ADGRB3: variants seen among roughly 807,000 people sequenced by gnomAD.
The protein encoded by ADGRB3 is brain-specific angiogenesis inhibitor 3.
ADGRB3 carries 37 observed loss-of-function variants against 193.4 expected under a neutral mutation model. That is an observed-to-expected ratio of 0.19 (90% CI 0.15 to 0.25). The LOEUF (loss-of-function observed/expected upper bound fraction) is 0.25. ADGRB3 is among the 10% of genes least tolerant of loss of function. The probability of loss-of-function intolerance (pLI) is 1.00; values close to 1 mark genes in which losing one functional copy is unlikely to be tolerated. For missense variants in ADGRB3, 1,637 were observed against 1,852.9 expected (o/e 0.88, Z 2.14); for synonymous variants, 690 against 644.2 (o/e 1.07, Z -1.08).
intron 17 of ADGRB3, among the ~76,000 whole-genome samples, chr6:69,229,398 A>G (rs1186287989): frequency 6.6e-6 from 1 of 152,172 alleles, no homozygotes; most frequent in East Asian, 1.9e-4. Context: ...ACTTTCTGTC[A>G]GTACACATAC....
intron 17 of ADGRB3, among the ~76,000 whole-genome samples, chr6:69,101,912 G>T (rs140002658): frequency 4.3e-4 from 65 of 152,068 alleles, no homozygotes; most frequent in African/African-American, 1.4e-3. Flanking sequence ...ACTCTCGGCC[G>T]GGCTCAGTGG....
At chr6:68,981,654 G>A (rs1768911968) in intron 10 of ADGRB3, among the ~76,000 whole-genome samples, 1 of 151,344 alleles carries the variant, frequency 6.6e-6, no homozygotes, top group South Asian at 2.1e-4. Flanking sequence ...TAGTACAAGA[G>A]CACAGCTACA....
chr6:68,901,950 A>C lies in ADGRB3; in HGVS notation c.758-28609A>C, dbSNP rs1766405586. On this transcript the variant is annotated intron_variant, in intron 3 of 31. Transcript: ENST00000370598. ...AATGGGAGAAGTGGTGACATTGGCAATATTTAATTTATATTTTTTAGCTGG... is the reference window on the plus strand; with the variant it reads ...AATGGGAGAAGTGGTGACATTGGCACTATTTAATTTATATTTTTTAGCTGG... Among the ~76,000 whole-genome samples the C allele has an allele frequency of 2.6e-5, 4 of 152,260 alleles. No individual in the cohort carries two copies. In the South Asian group the frequency reaches 8.3e-4, roughly 32 times the overall value.
At chr6:69,040,706 A>AAAACAAAC (rs1262899338) in intron 13 of ADGRB3, among the ~76,000 whole-genome samples, 2 of 110,380 alleles carry the variant, frequency 1.8e-5, no homozygotes, top group African/African-American at 3.7e-5. Flanking sequence ...AAAAAAAAAA[A>AAAACAAAC]AAACAAACAA....
chr6:69,185,824 A>G (rs1356334024), intron 17 of ADGRB3, among the ~76,000 whole-genome samples: 3 of 152,204 alleles, frequency 2.0e-5, no homozygotes, highest in African/African-American at 7.2e-5. Flanking sequence ...CCCAAACATT[A>G]AATGACAGCT....
At position 69,018,593 on chromosome 6, in the gene ADGRB3, C is replaced by T; in HGVS notation, c.2107+94C>T. ...GTTTCCAAGTATAATATTCATTATT[C>T]ATATGTTTAACTGCATGTGAGCAAA... is the stretch of plus-strand genomic sequence containing the variant. On this transcript the variant is annotated intron_variant, in intron 13 of 31. Transcript: ENST00000370598. 6 of 787,838 alleles carry T rather than the reference C, an allele frequency of 7.6e-6. No individual in the cohort carries two copies. The South Asian group carries it at 1.1e-4, about 15-fold the overall frequency. The allele number at this position is 787,838 out of a possible 1,614,324, so 48.8% of individuals were successfully genotyped here. A position where few individuals can be genotyped will look rare whatever the true frequency, so the allele number is the denominator to read the frequency against.
intron 11 of ADGRB3, among the ~76,000 whole-genome samples, chr6:69,008,338 A>T (rs1000840991): frequency 2.0e-5 from 3 of 152,178 alleles, no homozygotes; most frequent in African/African-American, 7.2e-5. Flanking sequence ...GCATTCAATG[A>T]CTACTACTTG....
chr6:69,280,536 A>G (rs1767412153), intron 20 of ADGRB3, among the ~76,000 whole-genome samples: 1 of 152,232 alleles, frequency 6.6e-6, no homozygotes, highest in African/African-American at 2.4e-5. Context: ...TAAAGGGAAT[A>G]ATAGTAATAA....
chr6:68,979,940 A>G (rs1271981075), intron 10 of ADGRB3, among the ~76,000 whole-genome samples: 1 of 151,460 alleles, frequency 6.6e-6, no homozygotes, highest in African/African-American at 2.4e-5. Context: ...AATTGGCAGA[A>G]TGTATGCCCC....
At chr6:69,271,457 A>C (rs1274288395) in intron 20 of ADGRB3, among the ~76,000 whole-genome samples, 1 of 152,194 alleles carries the variant, frequency 6.6e-6, no homozygotes, top group East Asian at 1.9e-4. Context: ...GATACACCTA[A>C]GGTCAAAAAG....
At chr6:69,278,838 G>T (rs985016263) in intron 20 of ADGRB3, among the ~76,000 whole-genome samples, 1 of 151,528 alleles carries the variant, frequency 6.6e-6, no homozygotes, top group Non-Finnish European at 1.5e-5. Flanking sequence ...GAGAATTAAA[G>T]ATAATACAAA....
chr6:69,129,295 C>CT (rs1688024196), intron 17 of ADGRB3, among the ~76,000 whole-genome samples: 1 of 151,964 alleles, frequency 6.6e-6, no homozygotes. Context: ...AAATTAATGC[C>CT]TATGGAATGC....
intron 11 of ADGRB3, among the ~76,000 whole-genome samples, chr6:69,005,055 A>G (rs3798999): frequency 0.51 from 77,887 of 151,828 alleles, 20,223 homozygotes; most frequent in East Asian, 0.62. Flanking sequence ...CACTTAAGAA[A>G]CATCTCCTTT....
At chr6:69,166,339 C>G (rs1316543259) in intron 17 of ADGRB3, among the ~76,000 whole-genome samples, 1 of 151,956 alleles carries the variant, frequency 6.6e-6, no homozygotes, top group African/African-American at 2.4e-5. Context: ...AGAAGGATCC[C>G]CACATGAATA....
intron 12 of ADGRB3, among the ~76,000 whole-genome samples, chr6:69,016,104 C>T (rs572060452): frequency 1.1e-4 from 16 of 152,002 alleles, no homozygotes; most frequent in African/African-American, 2.2e-4. Context: ...AATCTATATA[C>T]GGTCGTTTTG....
At chr6:68,928,184 C>T (rs955957977) in intron 3 of ADGRB3, among the ~76,000 whole-genome samples, 10 of 152,090 alleles carry the variant, frequency 6.6e-5, no homozygotes, top group Non-Finnish European at 1.5e-4. Flanking sequence ...AACACTTCAA[C>T]TTGTTTTAAA....
chr6:69,256,770 C>A (rs1165734696), intron 20 of ADGRB3, among the ~76,000 whole-genome samples: 4 of 152,306 alleles, frequency 2.6e-5, no homozygotes, highest in Non-Finnish European at 5.9e-5. Context: ...GAGGGCATCC[C>A]TGTCTTGTGC....
chr6:69,055,486 A>G (rs142746938), intron 15 of ADGRB3, among the ~76,000 whole-genome samples: 105 of 152,272 alleles, frequency 6.9e-4, no homozygotes, highest in African/African-American at 2.4e-3. Flanking sequence ...ATACGGCTGA[A>G]GAATATTTCA....
At chr6:69,292,424 C>T (rs983666582) in intron 20 of ADGRB3, among the ~76,000 whole-genome samples, 6 of 152,144 alleles carry the variant, frequency 3.9e-5, no homozygotes, top group African/African-American at 1.2e-4. Context: ...TGTATATTCT[C>T]CTTTCTCAGA....
Sources: allele counts gnomAD v4.1 joint callset (sites outside exome capture counted in the v4.1 genomes callset), GRCh38; gene constraint gnomAD v4.1.1; transcripts MANE v1.5; gene names NCBI Gene and HGNC (gene_info 2026-07-23, HGNC 2026-07-21).